ANKRD30B: variants seen among roughly 807,000 people sequenced by gnomAD.
ANKRD30B encodes ankyrin repeat domain-containing protein 30B.
In ANKRD30B, 144 loss-of-function variants were observed where a neutral mutation model predicts 202.2. The observed-to-expected ratio is 0.71, with a 90% CI of 0.62 to 0.82. ANKRD30B has a LOEUF of 0.82. Among genes scored for constraint, ANKRD30B ranks in the 40% least tolerant of loss-of-function variants. The pLI is 0.00. For synonymous variants in ANKRD30B, 508 were observed against 561.3 expected (o/e 0.91, Z 1.34); for missense variants, 1,487 against 1,669.1 (o/e 0.89, Z 1.90).
At chr18:14,866,532 C>T in the ANKRD30B span, among the ~76,000 whole-genome samples, 14 of 152,218 alleles carry the variant, frequency 9.2e-5, no homozygotes, top group Admixed American at 3.3e-4. Context: ...AGGTGGGGAC[C>T]GTGCCCAACG....
chr18:14,855,162 C>T (rs1438362626), downstream of ANKRD30B, among the ~76,000 whole-genome samples: 8 of 152,152 alleles, frequency 5.3e-5, no homozygotes, highest in African/African-American at 1.9e-4. Flanking sequence ...TCTTGCACCG[C>T]CCTTAATCCA....
Position 14,778,092 on chromosome 18 carries a change from A to T in ANKRD30B, c.1420+17A>T. On this transcript the variant is annotated intron_variant, in intron 10 of 43. Coordinates refer to ENST00000690538, the MANE Select transcript of ANKRD30B (RefSeq NM_001367607.2). The stretch of plus-strand genomic sequence containing the variant: ...AAATAGAAGGTAAGAACCATTTTTT[A>T]TTTAAAACATCTTTTGACCAAATGT... 3.4e-6 allele frequency: 5 copies of T among 1,468,494 alleles called. No individual in the cohort carries two copies. In the South Asian group the frequency reaches 4.9e-5, roughly 14 times the overall value. The allele number at this position is 1,468,494 out of a possible 1,614,324, so 91.0% of individuals were successfully genotyped here. A position where few individuals can be genotyped will look rare whatever the true frequency, so the allele number is the denominator to read the frequency against.
At chr18:14,931,464 C>T in the ANKRD30B span, among the ~76,000 whole-genome samples, 5 of 152,136 alleles carry the variant, frequency 3.3e-5, no homozygotes, top group Non-Finnish European at 5.9e-5. Context: ...CCAGACTTTC[C>T]GTCACATGGA....
intron 32 of ANKRD30B, among the ~76,000 whole-genome samples, 200 bp downstream of exon 32, chr18:14,822,877 A>G (rs899868818): frequency 6.9e-5 from 10 of 145,396 alleles, no homozygotes; most frequent in Admixed American, 4.9e-4. Flanking sequence ...AAAAAATTCT[A>G]CTGTACCTCA....
chr18:14,786,205 T>C (rs1300136420), intron 14 of ANKRD30B, among the ~76,000 whole-genome samples: 3 of 152,236 alleles, frequency 2.0e-5, no homozygotes, highest in Admixed American at 1.3e-4. Flanking sequence ...TTTTTGCTGA[T>C]AAAGAAAACT....
At chr18:14,846,217 G>C (rs1303193735) in intron 39 of ANKRD30B, among the ~76,000 whole-genome samples, 1 of 152,094 alleles carries the variant, frequency 6.6e-6, no homozygotes, top group Non-Finnish European at 1.5e-5. Flanking sequence ...TTCATTTGAA[G>C]TTAGTTCAAA....
At chr18:14,805,273 T>G (rs530122108) in intron 24 of ANKRD30B, among the ~76,000 whole-genome samples, 2 of 150,958 alleles carry the variant, frequency 1.3e-5, no homozygotes, top group Non-Finnish European at 3.0e-5. Flanking sequence ...ATACTTAAAT[T>G]GTTGTTATTC....
the ANKRD30B span, among the ~76,000 whole-genome samples, chr18:14,905,099 A>AC: frequency 6.6e-6 from 1 of 152,332 alleles, no homozygotes; most frequent in African/African-American, 2.4e-5. Context: ...CAGTTTACAA[A>AC]TGCCATGGCA....
the ANKRD30B span, among the ~76,000 whole-genome samples, chr18:14,880,309 T>C: frequency 6.6e-6 from 1 of 152,154 alleles, no homozygotes; most frequent in East Asian, 1.9e-4. Context: ...TGAAATCAAG[T>C]AATGTGATGC....
chr18:14,895,375 A>T, the ANKRD30B span, among the ~76,000 whole-genome samples: 1 of 152,258 alleles, frequency 6.6e-6, no homozygotes, highest in Non-Finnish European at 1.5e-5. Flanking sequence ...CAGAAAACTG[A>T]CAGTGCTGTA....
chr18:14,912,675 C>G, the ANKRD30B span, among the ~76,000 whole-genome samples: 1 of 152,128 alleles, frequency 6.6e-6, no homozygotes, highest in African/African-American at 2.4e-5. Flanking sequence ...TTTTTTAGAA[C>G]AATTTCAGAA....
At chr18:14,904,938 A>G in the ANKRD30B span, among the ~76,000 whole-genome samples, 4 of 152,200 alleles carry the variant, frequency 2.6e-5, no homozygotes, top group Non-Finnish European at 5.9e-5. Flanking sequence ...TCACAAGATG[A>G]GATAGGAGGT....
intron 30 of ANKRD30B, among the ~76,000 whole-genome samples, chr18:14,815,609 T>A (rs1970052825): frequency 6.6e-6 from 1 of 152,126 alleles, no homozygotes; most frequent in African/African-American, 2.4e-5. Context: ...GGAGAAAGCG[T>A]TATGTTGCTC....
intron 1 of ANKRD30B, among the ~76,000 whole-genome samples, chr18:14,751,958 A>C (rs1177783671): frequency 6.6e-6 from 1 of 152,200 alleles, no homozygotes; most frequent in Admixed American, 6.5e-5. Flanking sequence ...ATATAGTTGT[A>C]ATAAATAATG....
At chr18:14,779,070 A>T (rs1446793459) in intron 10 of ANKRD30B, among the ~76,000 whole-genome samples, 2 of 152,182 alleles carry the variant, frequency 1.3e-5, no homozygotes, top group Non-Finnish European at 2.9e-5. Context: ...TTGGCTAAGG[A>T]AGAGGGATTG....
the ANKRD30B span, among the ~76,000 whole-genome samples, chr18:14,861,443 GA>G: frequency 1.3e-5 from 2 of 149,828 alleles, no homozygotes; most frequent in African/African-American, 4.9e-5. Context: ...TCACATAAAT[GA>G]AAAACAAAAA....
chr18:14,900,946 G>A, the ANKRD30B span, among the ~76,000 whole-genome samples: 1 of 152,176 alleles, frequency 6.6e-6, no homozygotes, highest in East Asian at 1.9e-4. Flanking sequence ...ATTGCATGGA[G>A]AAATAAATAA....
the ANKRD30B span, among the ~76,000 whole-genome samples, chr18:14,892,753 A>G: frequency 6.6e-6 from 1 of 150,678 alleles, no homozygotes; most frequent in African/African-American, 2.4e-5. Flanking sequence ...AAAAAAAAAA[A>G]AAAAAAAAAA....
At chr18:14,760,767 T>A in intron 6 of ANKRD30B, 149 bp downstream of exon 6, 1 of 506,666 alleles carries the variant, frequency 2.0e-6, no homozygotes, top group Middle Eastern at 2.9e-4. Context: ...TATATATATG[T>A]ATACATAGCT....
Sources: gnomAD v4.1 joint callset for allele counts (sites outside exome capture counted in the v4.1 genomes callset) on GRCh38, gnomAD v4.1.1 for gene constraint, MANE v1.5 for transcripts, NCBI Gene and HGNC (gene_info 2026-07-23, HGNC 2026-07-21) for gene names.